Variants in PPP2R3A observed in about 807,000 individuals in gnomAD.
PPP2R3A encodes protein phosphatase 2 regulatory subunit B''alpha.
Under a neutral mutation model 106.9 loss-of-function variants are expected in PPP2R3A, and 80 were observed. That is an observed-to-expected ratio of 0.75 (90% CI 0.62 to 0.90). The LOEUF (loss-of-function observed/expected upper bound fraction) is 0.90. Ranked by LOEUF, PPP2R3A falls within the 40% of genes least tolerant of loss-of-function variation. The pLI is 0.00. For missense variants in PPP2R3A, 1,386 were observed against 1,350.4 expected (o/e 1.03, Z -0.41); for synonymous variants, 483 against 468.3 (o/e 1.03, Z -0.41).
At chr3:135,998,851 T>A (rs1933506493) in intron 1 of PPP2R3A, among the ~76,000 whole-genome samples, 1 of 152,242 alleles carries the variant, frequency 6.6e-6, no homozygotes, top group African/African-American at 2.4e-5. Context: ...TATAGTATGG[T>A]CCAAATTTTG....
intron 5 of PPP2R3A, among the ~76,000 whole-genome samples, chr3:136,050,060 A>G (rs1935629296): frequency 6.6e-6 from 1 of 152,206 alleles, no homozygotes; most frequent in Non-Finnish European, 1.5e-5. Flanking sequence ...GTAATTTAGG[A>G]TAATGGCAGT....
chr3:136,072,643 T>C (rs1036916149), intron 6 of PPP2R3A, among the ~76,000 whole-genome samples: 2 of 152,304 alleles, frequency 1.3e-5, no homozygotes, highest in East Asian at 1.9e-4. Context: ...AAGAGAATTA[T>C]TGGGTTCTGA....
intron 12 of PPP2R3A, among the ~76,000 whole-genome samples, chr3:136,104,297 TTTGTGTGTG>T (rs1230810572): frequency 8.3e-6 from 1 of 120,452 alleles, no homozygotes; most frequent in East Asian, 5.0e-4. Flanking sequence ...TGTTTCTTTC[TTTGTGTGTG>T]TGTGTGTGTG....
intron 1 of PPP2R3A, among the ~76,000 whole-genome samples, chr3:135,980,721 A>G (rs1937530725): frequency 6.6e-6 from 1 of 151,918 alleles, no homozygotes; most frequent in African/African-American, 2.4e-5. Context: ...AGTTGCCATC[A>G]TGATAAAGCC....
At chr3:135,996,643 A>G (rs907424324) in intron 1 of PPP2R3A, among the ~76,000 whole-genome samples, 4 of 152,170 alleles carry the variant, frequency 2.6e-5, no homozygotes, top group African/African-American at 9.7e-5. Flanking sequence ...ATATTACTTC[A>G]TACTTCTTTT....
At chr3:136,038,226 C>T (rs553345682) in intron 3 of PPP2R3A, among the ~76,000 whole-genome samples, 2 of 152,158 alleles carry the variant, frequency 1.3e-5, no homozygotes, top group African/African-American at 4.8e-5. Flanking sequence ...GCATAATACC[C>T]TCCTGCTGTA....
chr3:136,053,842 C>G (rs1935764533), intron 5 of PPP2R3A, among the ~76,000 whole-genome samples: 1 of 152,200 alleles, frequency 6.6e-6, no homozygotes, highest in East Asian at 1.9e-4. Flanking sequence ...GAAAAATAGA[C>G]CTACTTATAT....
intron 6 of PPP2R3A, among the ~76,000 whole-genome samples, chr3:136,075,899 C>T (rs151053585): frequency 0.014 from 2,199 of 152,154 alleles, 17 homozygotes; most frequent in South Asian, 0.022. Flanking sequence ...TGTTTATTTT[C>T]GTACATAAAT....
intron 1 of PPP2R3A, among the ~76,000 whole-genome samples, chr3:135,979,335 C>G (rs6772597): frequency 0.033 from 4,917 of 150,930 alleles, 396 homozygotes; most frequent in African/African-American, 0.11. Flanking sequence ...GCCGAGATTG[C>G]GCCACTGCTC....
At chr3:136,104,593 G>A (rs1937468659) in intron 12 of PPP2R3A, among the ~76,000 whole-genome samples, 1 of 152,062 alleles carries the variant, frequency 6.6e-6, no homozygotes, top group Non-Finnish European at 1.5e-5. Flanking sequence ...GGCGTGAGCT[G>A]GCTGTGCCCA....
At chr3:136,061,524 A>G (rs1406208133) in intron 5 of PPP2R3A, among the ~76,000 whole-genome samples, 1 of 152,174 alleles carries the variant, frequency 6.6e-6, no homozygotes, top group Non-Finnish European at 1.5e-5. Context: ...GCTAATCGGG[A>G]GGCTGAGGCA....
At chr3:136,078,033 G>C (rs1245200585) in intron 6 of PPP2R3A, among the ~76,000 whole-genome samples, 2 of 152,102 alleles carry the variant, frequency 1.3e-5, no homozygotes, top group Admixed American at 1.3e-4. Flanking sequence ...CACCTCATAT[G>C]CCTTCCCAAA....
At chr3:136,103,583 T>C (rs1937437379) in intron 12 of PPP2R3A, among the ~76,000 whole-genome samples, 1 of 152,190 alleles carries the variant, frequency 6.6e-6, no homozygotes, top group African/African-American at 2.4e-5. Context: ...CCTGCATCTG[T>C]GTAAGCACTT....
At chr3:136,079,003 G>A (rs1437244414) in intron 7 of PPP2R3A, 3 of 276,682 alleles carry the variant, frequency 1.1e-5, no homozygotes, top group South Asian at 7.0e-5. Context: ...ATGCCTGATT[G>A]TTTAAGCTTC....
At chr3:136,010,736 G>A (rs1934039012) in intron 2 of PPP2R3A, among the ~76,000 whole-genome samples, 1 of 151,654 alleles carries the variant, frequency 6.6e-6, no homozygotes, top group Admixed American at 6.6e-5. Context: ...CCAAACTCCT[G>A]TCTAAGGCCA....
At chr3:136,028,437 T>C (rs1219104267) in intron 3 of PPP2R3A, among the ~76,000 whole-genome samples, 2 of 152,368 alleles carry the variant, frequency 1.3e-5, no homozygotes, top group East Asian at 3.9e-4. Context: ...AGAGCTTATC[T>C]GTTTCCATTC....
At chr3:136,023,007 C>G in intron 2 of PPP2R3A, 1 of 1,591,858 alleles carries the variant, frequency 6.3e-7, no homozygotes, top group Non-Finnish European at 8.5e-7. Context: ...TGACAACTTG[C>G]TAAATCTGAT....
At chr3:136,049,498 GT>G in intron 5 of PPP2R3A, 137 bp downstream of exon 5, 1 of 540,342 alleles carries the variant, frequency 1.9e-6, no homozygotes, top group Non-Finnish European at 3.2e-6. Context: ...TTTCAAACTT[GT>G]TTTAGCAGTA....
intron 10 of PPP2R3A, among the ~76,000 whole-genome samples, chr3:136,091,100 C>T (rs1020485806): frequency 2.6e-5 from 4 of 152,158 alleles, no homozygotes; most frequent in Non-Finnish European, 5.9e-5. Flanking sequence ...CTTGGCACTC[C>T]CAGACATAGC....
Sources: allele counts gnomAD v4.1 joint callset (sites outside exome capture counted in the v4.1 genomes callset), GRCh38; gene constraint gnomAD v4.1.1; transcripts MANE v1.5; gene names NCBI Gene and HGNC (gene_info 2026-07-23, HGNC 2026-07-21).